TRPM8: variants seen among roughly 807,000 people sequenced by gnomAD.
TRPM8 encodes TRPM8 cationic channel.
In TRPM8, 110 loss-of-function variants were observed where a neutral mutation model predicts 133.7. The ratio of observed to expected loss-of-function variants is 0.82; its 90% CI spans 0.70 to 0.96. TRPM8 has a LOEUF of 0.96. Ranked by LOEUF, TRPM8 falls within the 40% of genes least tolerant of loss-of-function variation. The pLI is 0.00. For missense variants in TRPM8, 1,291 were observed against 1,379.5 expected (o/e 0.94, Z 1.02); for synonymous variants, 535 against 532.3 (o/e 1.01, Z -0.07).
chr2:233,929,286 C>A (rs887861876), intron 2 of TRPM8, among the ~76,000 whole-genome samples: 1 of 152,110 alleles, frequency 6.6e-6, no homozygotes, highest in Non-Finnish European at 1.5e-5. Context: ...TTAAGACATA[C>A]GACCTATGGG....
chr2:233,975,049 G>C (rs967252473), intron 17 of TRPM8, among the ~76,000 whole-genome samples: 11 of 152,316 alleles, frequency 7.2e-5, no homozygotes, highest in Middle Eastern at 6.8e-3. Context: ...TGGTGCCCTA[G>C]TGCATCTCTT....
At chr2:233,926,728 C>A in intron 2 of TRPM8, 74 bp downstream of exon 2, 1 of 1,153,664 alleles carries the variant, frequency 8.7e-7, no homozygotes, top group Non-Finnish European at 1.3e-6. Flanking sequence ...TGCATTTGCA[C>A]ATTGACTTTT....
chr2:234,003,593 G>A (rs992321822), intron 22 of TRPM8, among the ~76,000 whole-genome samples: 2 of 152,188 alleles, frequency 1.3e-5, no homozygotes, highest in African/African-American at 4.8e-5. Flanking sequence ...ATAGGACCTG[G>A]GAGAAGTCTT....
At position 233,927,774 on chromosome 2, in the gene TRPM8, CTTTCTTTCTTTCTTTCTT is replaced by C. The variant is rs1559516104; in HGVS notation, c.117+1123_117+1140del. Among the ~76,000 whole-genome samples the C allele has an allele frequency of 8.3e-4, 47 of 56,582 alleles. 6 individuals are homozygous for C. Among genetic ancestry groups the C allele is most frequent in the African/African-American group, 4.7e-3 (22 of 4,656 alleles). 37.1% of individuals were successfully genotyped at this position (56,582 alleles called of 152,430 possible). On this transcript the variant is annotated intron_variant, in intron 2 of 25. Coordinates refer to ENST00000324695, the MANE Select transcript of TRPM8 (RefSeq NM_024080.5). ...TCTTTCTTTCTTTCTTTCTTTCTTT[CTTTCTTTCTTTCTTTCTT>C]TTCTTTCCTTCCTTCCTTCCTTCCT...
intron 3 of TRPM8, among the ~76,000 whole-genome samples, chr2:233,935,494 G>GAGGCAC (rs71400704): frequency 0.081 from 12,388 of 152,282 alleles, 616 homozygotes; most frequent in Middle Eastern, 0.15. Context: ...AAGAGTGATG[G>GAGGCAC]AGGCACTGAT....
At chr2:233,936,743 A>C (rs1479703665) in intron 3 of TRPM8, among the ~76,000 whole-genome samples, 1 of 152,196 alleles carries the variant, frequency 6.6e-6, no homozygotes, top group Non-Finnish European at 1.5e-5. Flanking sequence ...AGATTTCTGA[A>C]ACTCAGTCTC....
At position 233,950,096 on chromosome 2, in the gene TRPM8, C is replaced by G. The variant is rs372873712; in HGVS notation, c.1090C>G (p.Arg364Gly). Residue 364 changes from arginine (R) to glycine (G), a missense_variant, in exon 9 of 26, where the codon CGC (arginine) becomes GGC (glycine). Coordinates refer to ENST00000324695, the MANE Select transcript of TRPM8 (RefSeq NM_024080.5). ...GGAGAAGCTGGTGCGCTTTTTACCCCGCACGGTGTCCCGGCTGCCTGAGGA... is the reference window on the plus strand; with the variant it reads ...GGAGAAGCTGGTGCGCTTTTTACCCGGCACGGTGTCCCGGCTGCCTGAGGA... ...VKEKLVRFLP[R>G]TVSRLPEEET... 4.0e-5 allele frequency: 65 copies of G among 1,613,600 alleles called. No homozygotes were observed. Among genetic ancestry groups the G allele is most frequent in the Non-Finnish European group, 5.5e-5 (65 of 1,180,040 alleles).
intron 18 of TRPM8, among the ~76,000 whole-genome samples, chr2:233,981,098 A>G (rs973876685): frequency 6.6e-6 from 1 of 152,202 alleles, no homozygotes; most frequent in Non-Finnish European, 1.5e-5. Context: ...CTTTCAAATG[A>G]TGTCATTTTG....
chr2:233,981,446 T>C (rs1194619272), intron 18 of TRPM8, among the ~76,000 whole-genome samples: 2 of 152,202 alleles, frequency 1.3e-5, no homozygotes, highest in Non-Finnish European at 1.5e-5. Context: ...GGCATCGTTA[T>C]AGAAGCCTTG....
intron 1 of TRPM8, among the ~76,000 whole-genome samples, chr2:233,921,120 C>G (rs558597736): frequency 2.0e-5 from 3 of 152,132 alleles, no homozygotes; most frequent in Non-Finnish European, 4.4e-5. Context: ...CTTGGCCTCC[C>G]AAAGTGCTCG....
chr2:234,001,171 C>G (rs930114893), intron 22 of TRPM8, among the ~76,000 whole-genome samples: 1 of 152,088 alleles, frequency 6.6e-6, no homozygotes, highest in Non-Finnish European at 1.5e-5. Flanking sequence ...AGGAGTGTGC[C>G]TCTCACATGA....
intron 1 of TRPM8, among the ~76,000 whole-genome samples, chr2:233,924,817 C>T (rs796256406): frequency 5.8e-4 from 88 of 152,338 alleles, no homozygotes; most frequent in African/African-American, 2.1e-3. Flanking sequence ...AAGCAGTTTG[C>T]TGTAAGGGAA....
chr2:233,954,604 G>A (rs933231669), intron 10 of TRPM8, among the ~76,000 whole-genome samples: 2 of 152,162 alleles, frequency 1.3e-5, no homozygotes, highest in African/African-American at 2.4e-5. Flanking sequence ...AGTAGAGCCA[G>A]GCACGTTGGA....
chr2:233,945,186 G>A (rs1450946925), intron 6 of TRPM8, among the ~76,000 whole-genome samples: 3 of 152,194 alleles, frequency 2.0e-5, no homozygotes, highest in East Asian at 3.9e-4. Flanking sequence ...TTAATGCAAC[G>A]CTGATACTTT....
intron 17 of TRPM8, among the ~76,000 whole-genome samples, chr2:233,973,387 G>C (rs1002271173): frequency 1.3e-5 from 2 of 152,176 alleles, no homozygotes; most frequent in Admixed American, 6.5e-5. Flanking sequence ...CTCTCCTCTA[G>C]CTTTTGGCGG....
At chr2:233,961,180 T>G (rs1383843598) in intron 12 of TRPM8, 114 bp downstream of exon 12, 4 of 1,055,914 alleles carry the variant, frequency 3.8e-6, no homozygotes, top group Middle Eastern at 3.1e-4. Context: ...CTTAACACAC[T>G]GACAATGTTA....
intron 18 of TRPM8, among the ~76,000 whole-genome samples, chr2:233,980,557 G>A (rs1009590269): frequency 6.6e-6 from 1 of 152,096 alleles, no homozygotes; most frequent in Non-Finnish European, 1.5e-5. Context: ...AAGTAGAGAT[G>A]AGGTTTCATC....
chr2:233,974,932 G>A (rs202241815), intron 17 of TRPM8, among the ~76,000 whole-genome samples: 2 of 152,188 alleles, frequency 1.3e-5, no homozygotes, highest in East Asian at 3.9e-4. Context: ...GGTGGGGAGG[G>A]AGAAAAAACC....
chr2:234,016,212 T>C (rs1692952404), intron 25 of TRPM8, among the ~76,000 whole-genome samples: 1 of 151,730 alleles, frequency 6.6e-6, no homozygotes. Flanking sequence ...TGTGTGGGTG[T>C]AGACATTTGC....
Sources: gnomAD v4.1 joint callset for allele counts (sites outside exome capture counted in the v4.1 genomes callset) on GRCh38, gnomAD v4.1.1 for gene constraint, MANE v1.5 for transcripts, NCBI Gene and HGNC (gene_info 2026-07-23, HGNC 2026-07-21) for gene names.